The following ZNF90 variants were observed in gnomAD, a reference collection of about 807,000 sequenced individuals.
ZNF90 encodes the protein zinc finger protein HTF9.
ZNF90 carries 11 observed loss-of-function variants against 12.0 expected under a neutral mutation model. The ratio of observed to expected loss-of-function variants is 0.92; its 90% CI spans 0.58 to 1.52. The LOEUF is 1.52. ZNF90 is among the 40% of genes most tolerant of loss of function. The pLI is 0.00. For missense variants in ZNF90, 765 were observed against 711.5 expected, an observed-to-expected ratio of 1.08 and a Z score of -0.86; for synonymous variants, 232 against 240.1, an observed-to-expected ratio of 0.97 and a Z score of 0.31.
intron 1 of ZNF90, among the ~76,000 whole-genome samples, chr19:20,094,937 G>T (rs1056455503): frequency 6.6e-6 from 1 of 152,190 alleles, no homozygotes; most frequent in Admixed American, 6.5e-5. Context: ...AGAGCTAGTC[G>T]CGGAACTAAA....
Position 20,119,335 on chromosome 19 carries a change from T to C in ZNF90, c.1781T>C (p.Ile594Thr), listed in dbSNP as rs2089175969. 2 of 1,596,812 alleles carry C rather than the reference T, an allele frequency of 1.3e-6. No individual in the cohort carries two copies. The highest frequency in any genetic ancestry group is 1.7e-6 in the Non-Finnish European group (2 of 1,171,338). Reference protein sequence around the residue: ...KRIHIGQKAYIVKNMANL With the variant: ...KRIHIGQKAYTVKNMANL ...ATTCATATTGGACAGAAAGCCTACATAGTGAAGAACATGGCAAATCTTTGA... is the reference window on the plus strand; with the variant it reads ...ATTCATATTGGACAGAAAGCCTACACAGTGAAGAACATGGCAAATCTTTGA... Residue 594 changes from isoleucine (I) to threonine (T), a missense_variant, in exon 4 of 4, where the codon ATA becomes ACA. By Grantham distance (89) the Ile-to-Thr change is moderately conservative. Coordinates refer to ENST00000418063, the MANE Select transcript of ZNF90 (RefSeq NM_007138.2).
intron 1 of ZNF90, among the ~76,000 whole-genome samples, chr19:20,079,281 C>CTAAT (rs2088802553): frequency 6.7e-6 from 1 of 149,882 alleles, no homozygotes; most frequent in African/African-American, 2.5e-5. Context: ...CGAGCTAAGG[C>CTAAT]TAATATTAAG....
rs782498738 is a variant in ZNF90 at position 20,118,886 on chromosome 19, GAT to G, written c.1334_1335del (p.Ile445AsnfsTer3). 9 of 1,611,992 alleles carry G rather than the reference GAT, an allele frequency of 5.6e-6. No individual in the cohort carries two copies. The East Asian group carries it at 8.9e-5, about 16-fold the overall frequency. Reference protein sequence around the residue: ...KRSSALSTHKIIHSGEKPYKC... With the variant: ...KRSSALSTHKXIHSGEKPYKC... ...GCTCCTCAGCCCTTAGCACACATAA[GAT>G]AATTCATAGTGGAGAGAAACCCTAC... On this transcript the variant is annotated frameshift_variant, in exon 4 of 4. Coordinates refer to ENST00000418063, the MANE Select transcript of ZNF90 (RefSeq NM_007138.2). LOFTEE classifies it low-confidence loss of function (END_TRUNC).
At chr19:20,079,766 T>C (rs577895210) in intron 1 of ZNF90, 4 of 217,674 alleles carry the variant, frequency 1.8e-5, no homozygotes, top group East Asian at 1.3e-4. Context: ...AAAAGTTTCA[T>C]TGAGAAATAT....
intron 1 of ZNF90, among the ~76,000 whole-genome samples, chr19:20,093,603 C>T (rs1341411006): frequency 6.6e-6 from 1 of 152,066 alleles, no homozygotes; most frequent in Non-Finnish European, 1.5e-5. Flanking sequence ...AATAAGGGAA[C>T]TGGGCAGGTG....
intron 1 of ZNF90, among the ~76,000 whole-genome samples, chr19:20,089,136 C>A (rs1179976216): frequency 1.3e-5 from 2 of 152,136 alleles, no homozygotes; most frequent in African/African-American, 4.8e-5. Context: ...AGGGATCCAG[C>A]TAGGGCGGCA....
At chr19:20,097,599 C>T (rs1402383283) in intron 1 of ZNF90, among the ~76,000 whole-genome samples, 2 of 152,178 alleles carry the variant, frequency 1.3e-5, no homozygotes, top group African/African-American at 2.4e-5. Context: ...AGATTCTCCA[C>T]TTTCTTCTTT....
chr19:20,095,118 T>A lies in ZNF90; in HGVS notation c.4-9121T>A, dbSNP rs78894643. On this transcript the variant is annotated intron_variant, in intron 1 of 3. Transcript: ENST00000418063. ...AAGGAAGACTGGAAAGACTCAGCGA[T>A]GCTTGGGGTTGGGACTGAGGGGACA... 2.2e-3 allele frequency among the ~76,000 whole-genome samples: 339 copies of A among 151,940 alleles called. 1 individual carries two copies. Among genetic ancestry groups the A allele is most frequent in the Non-Finnish European group, 4.0e-3 (274 of 67,968 alleles).
intron 3 of ZNF90, among the ~76,000 whole-genome samples, chr19:20,112,009 C>A (rs1249745338): frequency 6.6e-6 from 1 of 151,936 alleles, no homozygotes; most frequent in Non-Finnish European, 1.5e-5. Context: ...CAGGCATGCA[C>A]CACCATGCCC....
At chr19:20,080,600 C>A (rs942804468) in intron 1 of ZNF90, 1 of 191,734 alleles carries the variant, frequency 5.2e-6, no homozygotes, top group Non-Finnish European at 1.1e-5. Context: ...TTCCATTTGG[C>A]TTTTCCTGGG....
chr19:20,120,330 A>G lies in ZNF90; in HGVS notation c.*970A>G, dbSNP rs2089184808. Among the ~76,000 whole-genome samples the G allele has an allele frequency of 6.6e-6, 1 of 152,218 alleles. No individual in the cohort carries two copies. Among genetic ancestry groups the G allele is most frequent in the African/African-American group, 2.4e-5 (1 of 41,466 alleles). On this transcript the variant is annotated 3_prime_UTR_variant, in exon 4 of 4. Transcript: ENST00000418063. ...CAGAAAATAGAAGCCTTTAAAGTGA[A>G]GAAGAGTATTCTGAAGACAACCATT... is the stretch of plus-strand genomic sequence containing the variant.
chr19:20,078,755 G>A lies in ZNF90; in HGVS notation c.3+620G>A, dbSNP rs539490828. On this transcript the variant is annotated intron_variant, in intron 1 of 3. Coordinates refer to ENST00000418063, the MANE Select transcript of ZNF90 (RefSeq NM_007138.2). Reference sequence around the variant, plus strand: ...GAAAAAGCTTGAGTGTAAGCCAACCGGGATCAGCTTAGATTGTGCGGTCTG... The same window carrying A: ...GAAAAAGCTTGAGTGTAAGCCAACCAGGATCAGCTTAGATTGTGCGGTCTG... Among the ~76,000 whole-genome samples, 19 of 152,202 alleles carry A rather than the reference G, an allele frequency of 1.2e-4. No individual in the cohort carries two copies. The East Asian group carries it at 3.7e-3, about 29-fold the overall frequency.
intron 3 of ZNF90, among the ~76,000 whole-genome samples, chr19:20,105,896 C>A (rs1044022204): frequency 6.6e-6 from 1 of 151,952 alleles, no homozygotes; most frequent in Non-Finnish European, 1.5e-5. Flanking sequence ...TTTTCCATTT[C>A]TGTGAAAAAG....
Position 20,118,126 on chromosome 19 carries a change from A to T in ZNF90, c.572A>T (p.His191Leu), listed in dbSNP as rs782177722. ...AACCAGTCCTCAACCCTTGCTACAC[A>T]TAAGAAAATTCATACTGGAGAGATA... ...AFNQSSTLATHKKIHTGEITC... is the reference protein window; with the variant it reads ...AFNQSSTLATLKKIHTGEITC... The change falls in exon 4 of 4, where the codon CAT becomes CTT. Residue 191 changes from histidine to leucine, a missense_variant. Coordinates refer to ENST00000418063, the MANE Select transcript of ZNF90 (RefSeq NM_007138.2). 2 of 1,610,650 alleles carry T rather than the reference A, an allele frequency of 1.2e-6. No individual in the cohort carries two copies. The highest frequency in any genetic ancestry group is 1.7e-5 in the Admixed American group (1 of 59,764).
rs782606963 is a variant in ZNF90, at chr19:20,118,599, G to A, written c.1045G>A (p.Ala349Thr). ...CTACAAATGTGAAGAATGTGGCAAAGCCTTCAGGCGCTCCTTAGTCCTTCG... is the reference window on the plus strand; with the variant it reads ...CTACAAATGTGAAGAATGTGGCAAAACCTTCAGGCGCTCCTTAGTCCTTCG... ...KPYKCEECGK[A>T]FRRSLVLRTH... Residue 349 changes from alanine (A) to threonine (T), a missense_variant, in exon 4 of 4, where the codon GCC (alanine) becomes ACC (threonine). Coordinates refer to ENST00000418063, the MANE Select transcript of ZNF90 (RefSeq NM_007138.2). 22 of 1,612,666 alleles carry A rather than the reference G, an allele frequency of 1.4e-5. No individual in the cohort carries two copies. Among genetic ancestry groups the A allele is most frequent in the Non-Finnish European group, 1.8e-5 (21 of 1,179,712 alleles).
At chr19:20,111,271 A>C (rs2089086460) in intron 3 of ZNF90, among the ~76,000 whole-genome samples, 1 of 152,106 alleles carries the variant, frequency 6.6e-6, no homozygotes, top group Admixed American at 6.5e-5. Flanking sequence ...TCACTCTGTC[A>C]ACCAGGCTAA....
chr19:20,119,175 G>T lies in ZNF90; in HGVS notation c.1621G>T (p.Glu541Ter), dbSNP rs782152643. 13 of 1,612,924 alleles carry T rather than the reference G, an allele frequency of 8.1e-6. No individual in the cohort carries two copies. Among genetic ancestry groups the T allele is most frequent in the Non-Finnish European group, 1.1e-5 (13 of 1,179,344 alleles). ...TGGAGCGAAACCCTACAAATGTGAAGAATGTGGCAAAGCCTTTAAGCGCTC... is the reference window on the plus strand; with the variant it reads ...TGGAGCGAAACCCTACAAATGTGAATAATGTGGCAAAGCCTTTAAGCGCTC... ...HTGAKPYKCE[E>*]CGKAFKRSSQ... The change falls in exon 4 of 4, where the codon GAA becomes TAA. Residue 541 changes from glutamate (E) to a stop codon, truncating the protein, a stop_gained. Transcript: ENST00000418063. LOFTEE classifies it low-confidence loss of function (END_TRUNC).
chr19:20,105,384 C>T (rs1026178719), intron 3 of ZNF90, 68 bp downstream of exon 3: 33 of 1,284,616 alleles, frequency 2.6e-5, no homozygotes, highest in Admixed American at 8.8e-5. Context: ...AAGAGAAAGC[C>T]GGTCCTTAAA....
chr19:20,115,392 A>G (rs1442531085), intron 3 of ZNF90, among the ~76,000 whole-genome samples: 1 of 148,148 alleles, frequency 6.8e-6, no homozygotes, highest in African/African-American at 2.5e-5. Flanking sequence ...TGATTCTTGT[A>G]TCTTTGTCTC....
Sources: allele counts gnomAD v4.1 joint callset (sites outside exome capture counted in the v4.1 genomes callset), GRCh38; gene constraint gnomAD v4.1.1; transcripts MANE v1.5; gene names NCBI Gene and HGNC (gene_info 2026-07-23, HGNC 2026-07-21).